SEMA3D: variants seen among roughly 807,000 people sequenced by gnomAD.
SEMA3D encodes semaphorin-3D.
In SEMA3D, 84 loss-of-function variants were observed where a neutral mutation model predicts 100.1. That is an observed-to-expected ratio of 0.84 (90% CI 0.70 to 1.01). The LOEUF is 1.01. Ranked by LOEUF, SEMA3D falls within the 50% of genes least tolerant of loss-of-function variation. The pLI, the probability that SEMA3D is intolerant of heterozygous loss-of-function variation, is 0.00. For missense variants in SEMA3D, 875 were observed against 934.1 expected (o/e 0.94, Z 0.82); for synonymous variants, 312 against 320.7 (o/e 0.97, Z 0.29).
At chr7:85,087,374 G>C (rs1010255993) in intron 4 of SEMA3D, among the ~76,000 whole-genome samples, 1 of 152,186 alleles carries the variant, frequency 6.6e-6, no homozygotes, top group Non-Finnish European at 1.5e-5. Context: ...TGGGACCTTA[G>C]AGCCTTGATA....
chr7:85,184,790 A>G (rs555100428), intron 1 of SEMA3D, among the ~76,000 whole-genome samples: 1 of 152,268 alleles, frequency 6.6e-6, no homozygotes, highest in East Asian at 1.9e-4. Context: ...AGCCAAGGTC[A>G]TTGCCCATCT....
intron 1 of SEMA3D, among the ~76,000 whole-genome samples, chr7:85,174,388 A>G (rs2116556798): frequency 6.6e-6 from 1 of 152,280 alleles, no homozygotes; most frequent in South Asian, 2.1e-4. Flanking sequence ...GAGGGCTTCA[A>G]GAGCAATATA....
At chr7:85,023,016 T>C (rs1790298825) in intron 12 of SEMA3D, among the ~76,000 whole-genome samples, 1 of 151,872 alleles carries the variant, frequency 6.6e-6, no homozygotes, top group South Asian at 2.1e-4. Flanking sequence ...TCAGTTCAAA[T>C]GAAACCATGT....
chr7:85,118,778 G>A (rs528226879), intron 3 of SEMA3D, among the ~76,000 whole-genome samples: 2 of 152,080 alleles, frequency 1.3e-5, no homozygotes, highest in African/African-American at 4.8e-5. Context: ...TTTGCTGTTC[G>A]GATGCTCCTT....
chr7:85,021,635 T>A (rs547288032), intron 13 of SEMA3D, among the ~76,000 whole-genome samples: 1 of 151,902 alleles, frequency 6.6e-6, no homozygotes, highest in African/African-American at 2.4e-5. Context: ...AAAAGTCTTG[T>A]TTGTTGAAAA....
rs977339696 is a variant in SEMA3D at position 85,096,178 on chromosome 7, G to A, written c.312+1627C>T. The stretch of plus-strand genomic sequence containing the variant: ...TTCCTTGGCCACTTTCATAAAACAC[G>A]TCATCCCCTGCTAAGATATTTACTG... On this transcript the variant is annotated intron_variant, in intron 4 of 18. Coordinates refer to ENST00000284136, the MANE Select transcript of SEMA3D (RefSeq NM_001384900.1). Among the ~76,000 whole-genome samples, 26 of 151,840 alleles carry A rather than the reference G, an allele frequency of 1.7e-4. 1 individual carries two copies. The highest frequency in any genetic ancestry group is 5.8e-4 in the African/African-American group (24 of 41,486).
intron 3 of SEMA3D, among the ~76,000 whole-genome samples, chr7:85,106,676 C>T (rs574307123): frequency 1.3e-5 from 2 of 152,058 alleles, no homozygotes; most frequent in Admixed American, 6.6e-5. Flanking sequence ...AAGAAATACC[C>T]GAGTCTGGGC....
intron 11 of SEMA3D, among the ~76,000 whole-genome samples, chr7:85,038,047 G>C (rs1267731663): frequency 6.8e-6 from 1 of 147,792 alleles, no homozygotes; most frequent in East Asian, 2.1e-4. Flanking sequence ...GGCCTGTTGT[G>C]GGGTGGGGGG....
the SEMA3D span, among the ~76,000 whole-genome samples, chr7:85,243,423 G>T: frequency 2.0e-5 from 3 of 152,084 alleles, no homozygotes; most frequent in African/African-American, 7.2e-5. Flanking sequence ...TCCGGTACTG[G>T]TTTTTCTACC....
In SEMA3D at chr7:85,081,574, A is replaced by G. The variant is rs1166120662; in HGVS notation, c.318T>C (p.Tyr106=). The G allele has an allele frequency of 1.9e-6, 3 of 1,609,572 alleles. No individual in the cohort carries two copies. The highest frequency in any genetic ancestry group is 1.7e-5 in the Admixed American group (1 of 60,018). The change falls in exon 5 of 19, where the codon TAT becomes TAC. Residue 106 remains tyrosine (Y), a synonymous_variant. Coordinates refer to ENST00000284136, the MANE Select transcript of SEMA3D (RefSeq NM_001384900.1). ...CCACCCGTTCCTTTGCAGCAGGCCA[A>G]TAAATCTGCAAAACATTTCAAAGTA... The part of the protein sequence containing the change: ...VDLNKNFKKI[Y]WPAAKERVEL...
At chr7:85,218,048 G>T in the SEMA3D span, among the ~76,000 whole-genome samples, 1 of 152,022 alleles carries the variant, frequency 6.6e-6, no homozygotes, top group Non-Finnish European at 1.5e-5. Context: ...GGTCATGGCC[G>T]AGTGCCTGAG....
chr7:85,182,141 C>CA (rs11454865), intron 1 of SEMA3D, among the ~76,000 whole-genome samples: 27,793 of 151,858 alleles, frequency 0.18, 2,741 homozygotes, highest in Non-Finnish European at 0.23. Flanking sequence ...TTAACATGGA[C>CA]ATAGATTGTG....
rs150250785 is a variant in SEMA3D at position 85,063,699 on chromosome 7, T to C, written c.718+1725A>G. ...TCTCTCTGTCCTCGTCCTTCTTTAGTCTTCCATTCATGCTATTAAAAAACA... is the reference window on the plus strand; with the variant it reads ...TCTCTCTGTCCTCGTCCTTCTTTAGCCTTCCATTCATGCTATTAAAAAACA... On this transcript the variant is annotated intron_variant, in intron 8 of 18. Coordinates refer to ENST00000284136, the MANE Select transcript of SEMA3D (RefSeq NM_001384900.1). Among the ~76,000 whole-genome samples, 3 of 152,324 alleles carry C rather than the reference T, an allele frequency of 2.0e-5. No individual in the cohort carries two copies. In the East Asian group the frequency reaches 5.8e-4, roughly 29 times the overall value.
At chr7:85,029,638 G>A in intron 12 of SEMA3D, 1 of 429,360 alleles carries the variant, frequency 2.3e-6, no homozygotes, top group Non-Finnish European at 4.4e-6. Flanking sequence ...TTTCCTGGTG[G>A]TAGAGCTCCT....
rs958546672 is a variant in SEMA3D at position 85,066,923 on chromosome 7, G to C, written c.589+1268C>G. 8.9e-3 allele frequency among the ~76,000 whole-genome samples: 1,044 copies of C among 117,110 alleles called. 12 individuals carry two copies. Among genetic ancestry groups the C allele is most frequent in the African/African-American group, 0.047 (962 of 20,530 alleles). 76.8% of individuals were successfully genotyped at this position (117,110 alleles called of 152,430 possible). On this transcript the variant is annotated intron_variant, in intron 7 of 18. Transcript: ENST00000284136. ...ACACACACACACACACAGAGAGAGA[G>C]AGAGAGAGAGAGAGAGAGAGAGAAC...
chr7:85,095,769 T>C (rs1788531154), intron 4 of SEMA3D, among the ~76,000 whole-genome samples: 1 of 152,060 alleles, frequency 6.6e-6, no homozygotes, highest in African/African-American at 2.4e-5. Context: ...ATATCAGTTA[T>C]GTAGATAACA....
chr7:84,999,118 T>C lies in SEMA3D; in HGVS notation c.*322A>G, dbSNP rs1789579280. On this transcript the variant is annotated 3_prime_UTR_variant, in exon 19 of 19. Coordinates refer to ENST00000284136, the MANE Select transcript of SEMA3D (RefSeq NM_001384900.1). ...AGGGAATAAAGCACCTTATACACTA[T>C]CAAATTCGGGGCTTGCTTAGCTCAA... 1 of 332,998 alleles carries C rather than the reference T, an allele frequency of 3.0e-6. No homozygotes were observed. The allele number at this position is 332,998 out of a possible 1,614,324, so 20.6% of individuals were successfully genotyped here. A position where few individuals can be genotyped will look rare whatever the true frequency, so the allele number is the denominator to read the frequency against.
chr7:85,239,069 C>A, the SEMA3D span, among the ~76,000 whole-genome samples: 28 of 151,968 alleles, frequency 1.8e-4, no homozygotes, highest in Non-Finnish European at 3.4e-4. Context: ...ATATACACAC[C>A]TTATTAAGGT....
chr7:85,096,285 A>T (rs901359273), intron 4 of SEMA3D, among the ~76,000 whole-genome samples: 1 of 151,986 alleles, frequency 6.6e-6, no homozygotes, highest in African/African-American at 2.4e-5. Context: ...TGAAGAAAAA[A>T]ATACAGCCTT....
Sources: gnomAD v4.1 joint callset for allele counts (sites outside exome capture counted in the v4.1 genomes callset) on GRCh38, gnomAD v4.1.1 for gene constraint, MANE v1.5 for transcripts, NCBI Gene and HGNC (gene_info 2026-07-23, HGNC 2026-07-21) for gene names.